The following GPC6 variants were observed in gnomAD, a reference collection of about 807,000 sequenced individuals.
GPC6 encodes the protein glypican-6.
Under a neutral mutation model 55.2 loss-of-function variants are expected in GPC6, and 14 were observed. The ratio of observed to expected loss-of-function variants is 0.25; its 90% CI spans 0.17 to 0.40. GPC6 has a LOEUF of 0.40. Ranked by LOEUF, GPC6 falls within the 10% of genes least tolerant of loss-of-function variation. The probability of loss-of-function intolerance (pLI) is 1.00; values close to 1 mark genes in which losing one functional copy is unlikely to be tolerated. For missense variants in GPC6, 641 were observed against 708.5 expected (o/e 0.90, Z 1.08); for synonymous variants, 278 against 259.6 (o/e 1.07, Z -0.68).
At chr13:93,302,371 C>T (rs1878711057) in intron 1 of GPC6, among the ~76,000 whole-genome samples, 2 of 152,160 alleles carry the variant, frequency 1.3e-5, no homozygotes, top group Non-Finnish European at 2.9e-5. Flanking sequence ...CCCTCTAGTC[C>T]TAACATCCTT....
intron 1 of GPC6, among the ~76,000 whole-genome samples, chr13:93,492,570 T>C (rs9584120): frequency 0.64 from 84,846 of 131,770 alleles, 28,756 homozygotes; most frequent in Non-Finnish European, 0.71. Context: ...TGAATAGGAG[T>C]GGTGAGAGAG....
chr13:94,120,766 T>G (rs1173548191), intron 4 of GPC6, among the ~76,000 whole-genome samples: 1 of 152,040 alleles, frequency 6.6e-6, no homozygotes, highest in African/African-American at 2.4e-5. Context: ...AACACTAAGA[T>G]GTGGGGAAAG....
At chr13:94,304,840 A>G (rs1020667335) in intron 5 of GPC6, among the ~76,000 whole-genome samples, 1 of 152,230 alleles carries the variant, frequency 6.6e-6, no homozygotes, top group Admixed American at 6.5e-5. Flanking sequence ...AGCTGTCAAC[A>G]ACAAAATTAG....
chr13:94,309,077 T>C (rs958392796), intron 6 of GPC6, among the ~76,000 whole-genome samples: 7 of 152,352 alleles, frequency 4.6e-5, no homozygotes, highest in African/African-American at 1.7e-4. Flanking sequence ...ACTCCTGTTT[T>C]AATTTTCCCT....
chr13:94,066,938 T>A (rs1171819687), intron 4 of GPC6, among the ~76,000 whole-genome samples: 1 of 152,218 alleles, frequency 6.6e-6, no homozygotes, highest in Non-Finnish European at 1.5e-5. Flanking sequence ...GGAATACAAC[T>A]GGGTAGTTTT....
intron 4 of GPC6, among the ~76,000 whole-genome samples, chr13:94,256,473 G>C (rs770967887): frequency 1.3e-5 from 2 of 152,152 alleles, no homozygotes; most frequent in African/African-American, 4.8e-5. Context: ...CAGACCAAGA[G>C]CAAGGAGACT....
intron 2 of GPC6, among the ~76,000 whole-genome samples, chr13:93,651,236 C>T (rs78047820): frequency 0.014 from 2,091 of 151,076 alleles, 23 homozygotes; most frequent in Middle Eastern, 0.024. Context: ...TTCCAAAATA[C>T]GGTTGGAATC....
intron 2 of GPC6, among the ~76,000 whole-genome samples, chr13:93,688,296 A>G (rs1882123347): frequency 6.6e-6 from 1 of 152,066 alleles, no homozygotes; most frequent in African/African-American, 2.4e-5. Context: ...TGAGAGAAGA[A>G]TGAGTAGACT....
intron 2 of GPC6, among the ~76,000 whole-genome samples, chr13:93,561,361 T>C (rs1490576926): frequency 7.0e-6 from 1 of 143,468 alleles, no homozygotes; most frequent in African/African-American, 2.6e-5. Context: ...TTTAGTAAGA[T>C]TGATACACAT....
chr13:93,765,308 T>TTCCAA, intron 2 of GPC6, among the ~76,000 whole-genome samples: 1 of 148,682 alleles, frequency 6.7e-6, no homozygotes, highest in Non-Finnish European at 1.5e-5. Flanking sequence ...AAAGACAACT[T>TTCCAA]ATTTGGTTTA....
At chr13:93,587,254 A>G (rs1877248225) in intron 2 of GPC6, among the ~76,000 whole-genome samples, 1 of 152,070 alleles carries the variant, frequency 6.6e-6, no homozygotes, top group Non-Finnish European at 1.5e-5. Context: ...TAGAGACATA[A>G]TATTACTTAT....
chr13:93,411,272 C>T (rs1876484301), intron 1 of GPC6, among the ~76,000 whole-genome samples: 1 of 152,110 alleles, frequency 6.6e-6, no homozygotes, highest in Non-Finnish European at 1.5e-5. Context: ...CTGCTTGCCT[C>T]ATCATAGCCC....
At position 93,600,849 on chromosome 13, in the gene GPC6, C is replaced by T. The variant is rs908602475; in HGVS notation, c.319+55428C>T. ...CCTGTAATCCCAGCTACTCGGGAGG[C>T]TGAGGCAGGAGAATTGCTTGAACCC... is the stretch of plus-strand genomic sequence containing the variant. On this transcript the variant is annotated intron_variant, in intron 2 of 8. Coordinates refer to ENST00000377047, the MANE Select transcript of GPC6 (RefSeq NM_005708.5). Among the ~76,000 whole-genome samples, 3 of 147,798 alleles carry T rather than the reference C, an allele frequency of 2.0e-5. No individual in the cohort carries two copies. The Admixed American group carries it at 2.1e-4, about 10-fold the overall frequency.
intron 2 of GPC6, among the ~76,000 whole-genome samples, chr13:93,578,644 T>C: frequency 1.0e-5 from 1 of 100,286 alleles, no homozygotes; most frequent in East Asian, 6.1e-4. Context: ...ATTTGTTTTG[T>C]TTTTTTTTTC....
chr13:93,227,750 G>A lies in GPC6; in HGVS notation c.160+134G>A, dbSNP rs1357059562. On this transcript the variant is annotated intron_variant, in intron 1 of 8. Transcript: ENST00000377047. This position sits in a 1 kb window ranked among gnomAD's most constrained non-coding sequence, Gnocchi z 4.3. ...TTCTGCCACCGCTATGGGACTCCGC[G>A]TCTCCGTGTTGGGCGGCGGATGCTC... is the stretch of plus-strand genomic sequence containing the variant. 4.4e-6 allele frequency: 3 copies of A among 686,004 alleles called. No homozygotes were observed. Among genetic ancestry groups the A allele is most frequent in the South Asian group, 3.8e-5 (2 of 52,154 alleles). 42.5% of individuals were successfully genotyped at this position (686,004 alleles called of 1,614,324 possible).
At chr13:93,703,271 A>G (rs1389695753) in intron 2 of GPC6, among the ~76,000 whole-genome samples, 1 of 151,940 alleles carries the variant, frequency 6.6e-6, no homozygotes, top group Non-Finnish European at 1.5e-5. Context: ...ACATTTATTG[A>G]TGAAGTTCAT....
chr13:93,219,394 C>A, the GPC6 span, among the ~76,000 whole-genome samples: 1 of 152,128 alleles, frequency 6.6e-6, no homozygotes, highest in African/African-American at 2.4e-5. Context: ...GCCAGGCCCT[C>A]TCCTACCCTT....
At chr13:93,276,302 C>T (rs1342903051) in intron 1 of GPC6, among the ~76,000 whole-genome samples, 3 of 152,070 alleles carry the variant, frequency 2.0e-5, no homozygotes, top group Admixed American at 6.5e-5. Flanking sequence ...AAGGTTCTCC[C>T]TGGTCACAGA....
chr13:93,332,917 A>G (rs940760612), intron 1 of GPC6, among the ~76,000 whole-genome samples: 1 of 152,172 alleles, frequency 6.6e-6, no homozygotes, highest in Non-Finnish European at 1.5e-5. Context: ...TCTTTTGCAT[A>G]TAGATATCCA....
Sources: gnomAD v4.1 joint callset for allele counts (sites outside exome capture counted in the v4.1 genomes callset) on GRCh38, gnomAD v4.1.1 for gene constraint, Gnocchi (gnomAD v3.1) non-coding constraint, MANE v1.5 for transcripts, NCBI Gene and HGNC (gene_info 2026-07-23, HGNC 2026-07-21) for gene names.